Variants in TTLL7 observed in about 807,000 individuals in gnomAD.
TTLL7 encodes the protein tubulin tyrosine ligase like 7.
A neutral mutation model predicts 120.2 loss-of-function variants in TTLL7; 53 were observed. That is an observed-to-expected ratio of 0.44 (90% CI 0.35 to 0.55). The LOEUF is 0.55. TTLL7 is among the 20% of genes least tolerant of loss of function. TTLL7 has a pLI of 0.00. For missense variants in TTLL7, 803 were observed against 1,054.7 expected, an observed-to-expected ratio of 0.76 and a Z score of 3.31; for synonymous variants, 353 against 351.7, an observed-to-expected ratio of 1.00 and a Z score of -0.04.
intron 18 of TTLL7, among the ~76,000 whole-genome samples, chr1:83,896,271 T>C (rs1252225092): frequency 3.3e-5 from 5 of 152,062 alleles, no homozygotes; most frequent in Admixed American, 1.3e-4. Flanking sequence ...CAATCCAACA[T>C]TAAGCTCTCC....
chr1:83,915,745 T>C (rs1658097381), intron 14 of TTLL7, among the ~76,000 whole-genome samples: 1 of 152,154 alleles, frequency 6.6e-6, no homozygotes, highest in African/African-American at 2.4e-5. Flanking sequence ...TCTACTCATC[T>C]GACAAAGGGC....
intron 13 of TTLL7, among the ~76,000 whole-genome samples, chr1:83,919,429 A>G (rs1165274891): frequency 1.3e-5 from 2 of 152,144 alleles, no homozygotes; most frequent in Admixed American, 1.3e-4. Context: ...CCAGTTACAT[A>G]TACACATCTA....
intron 14 of TTLL7, among the ~76,000 whole-genome samples, chr1:83,914,173 G>A (rs1401746155): frequency 6.6e-6 from 1 of 151,896 alleles, no homozygotes; most frequent in Non-Finnish European, 1.5e-5. Flanking sequence ...TCTTAACCAG[G>A]CTCACCTGTA....
At chr1:83,907,918 A>G (rs1657343817) in intron 15 of TTLL7, among the ~76,000 whole-genome samples, 1 of 152,110 alleles carries the variant, frequency 6.6e-6, no homozygotes, top group Non-Finnish European at 1.5e-5. Flanking sequence ...TCAATGTTAT[A>G]TCCTGAAAAC....
At chr1:83,926,002 T>C (rs1448521856) in intron 10 of TTLL7, among the ~76,000 whole-genome samples, 2 of 151,608 alleles carry the variant, frequency 1.3e-5, no homozygotes, top group Non-Finnish European at 2.9e-5. Context: ...GTGCCTGTAA[T>C]CCCAGCTACT....
intron 18 of TTLL7, among the ~76,000 whole-genome samples, chr1:83,901,688 G>T (rs1468053697): frequency 1.3e-5 from 2 of 151,900 alleles, no homozygotes; most frequent in Non-Finnish European, 2.9e-5. Context: ...CTCCTCAACA[G>T]TGTACTCTAC....
intron 1 of TTLL7, among the ~76,000 whole-genome samples, chr1:83,978,073 T>A (rs927823428): frequency 4.6e-5 from 7 of 152,208 alleles, no homozygotes; most frequent in Non-Finnish European, 7.3e-5. Flanking sequence ...ATAGTAGACA[T>A]ATATATTTAT....
At chr1:83,941,556 T>C (rs1007461554) in intron 7 of TTLL7, among the ~76,000 whole-genome samples, 1 of 152,194 alleles carries the variant, frequency 6.6e-6, no homozygotes, top group African/African-American at 2.4e-5. Context: ...TTATTTAATG[T>C]TGAAAAAATG....
At chr1:83,977,874 T>C (rs1010997031) in intron 1 of TTLL7, among the ~76,000 whole-genome samples, 2 of 152,200 alleles carry the variant, frequency 1.3e-5, no homozygotes, top group Non-Finnish European at 1.5e-5. Flanking sequence ...TAGAACAATG[T>C]TTTCCTTATT....
intron 6 of TTLL7, among the ~76,000 whole-genome samples, chr1:83,944,613 A>G (rs1397732470): frequency 6.6e-6 from 1 of 152,078 alleles, no homozygotes; most frequent in African/African-American, 2.4e-5. Context: ...GAGGCTGGGG[A>G]AGGAGAGTCA....
chr1:83,970,899 C>T (rs576659911), intron 1 of TTLL7, among the ~76,000 whole-genome samples: 59 of 152,008 alleles, frequency 3.9e-4, no homozygotes, highest in Non-Finnish European at 7.4e-4. Context: ...CAGTGTAAAA[C>T]ACACAGCTTC....
At chr1:83,870,215 AG>A (rs1208995846) in intron 20 of TTLL7, 133 bp from the exon 21 acceptor site, 7 of 796,388 alleles carry the variant, frequency 8.8e-6, no homozygotes, top group African/African-American at 1.8e-5. Flanking sequence ...TCATATAAAA[AG>A]ATTTCCTCCT....
At chr1:83,896,479 C>T (rs72936265) in intron 18 of TTLL7, among the ~76,000 whole-genome samples, 1,596 of 152,064 alleles carry the variant, frequency 0.01, 32 homozygotes, top group African/African-American at 0.036. Context: ...AATAATGGCA[C>T]GAGGTGAAGG....
intron 10 of TTLL7, among the ~76,000 whole-genome samples, chr1:83,928,078 T>C (rs1659286946): frequency 6.6e-6 from 1 of 152,170 alleles, no homozygotes; most frequent in African/African-American, 2.4e-5. Context: ...ATACCTCACT[T>C]TTAAAAACAC....
chr1:83,933,057 A>G (rs1230508270), intron 9 of TTLL7, among the ~76,000 whole-genome samples: 1 of 152,216 alleles, frequency 6.6e-6, no homozygotes. Flanking sequence ...TCACCCTACC[A>G]GGGACTGGCA....
At chr1:83,997,868 CCT>C (rs1370120072) in intron 1 of TTLL7, among the ~76,000 whole-genome samples, 1 of 152,188 alleles carries the variant, frequency 6.6e-6, no homozygotes, top group East Asian at 1.9e-4. Context: ...CTGAACATCT[CCT>C]GTTATGACCT....
intron 5 of TTLL7, among the ~76,000 whole-genome samples, chr1:83,948,287 A>G (rs1041653408): frequency 6.6e-6 from 1 of 152,162 alleles, no homozygotes; most frequent in African/African-American, 2.4e-5. Flanking sequence ...AATGACATAT[A>G]CAGATAACCT....
intron 18 of TTLL7, among the ~76,000 whole-genome samples, chr1:83,902,959 G>A (rs10127737): frequency 0.52 from 78,589 of 151,650 alleles, 20,914 homozygotes; most frequent in Non-Finnish European, 0.59. Flanking sequence ...CTCTTGCCTC[G>A]GTTACCCTAA....
At chr1:83,890,184 A>G in intron 19 of TTLL7, 137 bp downstream of exon 19, 1 of 806,854 alleles carries the variant, frequency 1.2e-6, no homozygotes. Flanking sequence ...TATAAATTAT[A>G]GTTGAGTACT....
Sources: allele counts gnomAD v4.1 joint callset (sites outside exome capture counted in the v4.1 genomes callset), GRCh38; gene constraint gnomAD v4.1.1; transcripts MANE v1.5; gene names NCBI Gene and HGNC (gene_info 2026-07-23, HGNC 2026-07-21).